SUCLA2: variants seen among roughly 807,000 people sequenced by gnomAD.
SUCLA2 encodes succinate--CoA ligase [ADP-forming] subunit beta, mitochondrial.
Under a neutral mutation model 54.8 loss-of-function variants are expected in SUCLA2, and 30 were observed. The ratio of observed to expected loss-of-function variants is 0.55; its 90% CI spans 0.41 to 0.74. SUCLA2 has a LOEUF of 0.74. Ranked by LOEUF, SUCLA2 falls within the 30% of genes least tolerant of loss-of-function variation. The pLI, the probability that SUCLA2 is intolerant of heterozygous loss-of-function variation, is 0.00. For synonymous variants in SUCLA2, 172 were observed against 188.9 expected, an observed-to-expected ratio of 0.91 and a Z score of 0.74; for missense variants, 476 against 562.9, an observed-to-expected ratio of 0.85 and a Z score of 1.56.
At chr13:47,946,259 A>G (rs1949730605) in intron 10 of SUCLA2, among the ~76,000 whole-genome samples, 1 of 152,260 alleles carries the variant, frequency 6.6e-6, no homozygotes, top group Non-Finnish European at 1.5e-5. Flanking sequence ...ATGTACAGGA[A>G]GAAGCACAGT....
At chr13:47,973,433 T>C (rs1159226160) in intron 4 of SUCLA2, 41 bp from the exon 5 acceptor site, 14 of 1,607,668 alleles carry the variant, frequency 8.7e-6, no homozygotes, top group East Asian at 4.5e-5. Context: ...AGATTTATTT[T>C]AGACTCATCA....
intron 4 of SUCLA2, 118 bp from the exon 5 acceptor site, chr13:47,973,510 T>A: frequency 8.3e-7 from 1 of 1,206,912 alleles, no homozygotes; most frequent in Non-Finnish European, 1.2e-6. Flanking sequence ...TACCCACATT[T>A]TAAAATTTTC....
Position 47,943,270 on chromosome 13 carries a change from A to G in SUCLA2, c.*101T>C. The stretch of plus-strand genomic sequence containing the variant: ...TTTGTGTGCCTAGATGGCAATTACA[A>G]TCTCCACACACTAAAAAGAAAAAGA... On this transcript the variant is annotated 3_prime_UTR_variant, in exon 11 of 11. Transcript: ENST00000646932. The G allele has an allele frequency of 2.5e-6, 3 of 1,203,582 alleles. No homozygotes were observed. The Admixed American group carries it at 5.1e-5, about 20-fold the overall frequency. The allele number at this position is 1,203,582 out of a possible 1,614,324, so 74.6% of individuals were successfully genotyped here.
At chr13:47,974,900 GAAA>G (rs1303213246) in intron 4 of SUCLA2, among the ~76,000 whole-genome samples, 1 of 151,952 alleles carries the variant, frequency 6.6e-6, no homozygotes, top group Non-Finnish European at 1.5e-5. Flanking sequence ...TGTTACGTAT[GAAA>G]AAAATGATAC....
intron 1 of SUCLA2, 84 bp from the exon 2 acceptor site, chr13:47,997,107 A>C (rs1950197863): frequency 1.4e-6 from 2 of 1,405,676 alleles, no homozygotes; most frequent in African/African-American, 2.8e-5. Context: ...TAACTATAAC[A>C]AAACTGTTAC....
chr13:47,949,443 A>G, intron 9 of SUCLA2, 40 bp downstream of exon 9: 1 of 1,611,514 alleles, frequency 6.2e-7, no homozygotes, highest in Non-Finnish European at 8.5e-7. Flanking sequence ...GTGAACTTTT[A>G]AAGAATTAGG....
chr13:47,976,048 A>C (rs1206493220), intron 4 of SUCLA2, among the ~76,000 whole-genome samples: 1 of 152,144 alleles, frequency 6.6e-6, no homozygotes, highest in African/African-American at 2.4e-5. Flanking sequence ...GGAGTTCGAG[A>C]CCAGCCTGGG....
chr13:47,995,633 A>C (rs1210792739), intron 2 of SUCLA2, among the ~76,000 whole-genome samples: 2 of 152,214 alleles, frequency 1.3e-5, no homozygotes, highest in African/African-American at 4.8e-5. Context: ...CTTTCTTAAA[A>C]AATATAAAAG....
At chr13:47,950,548 G>A (rs1466214537) in intron 8 of SUCLA2, among the ~76,000 whole-genome samples, 1 of 152,018 alleles carries the variant, frequency 6.6e-6, no homozygotes, top group African/African-American at 2.4e-5. Context: ...GCCCTCTCTT[G>A]GGTACATTTC....
chr13:47,973,472 A>G, intron 4 of SUCLA2, 80 bp from the exon 5 acceptor site: 3 of 1,501,750 alleles, frequency 2.0e-6, no homozygotes, highest in Non-Finnish European at 2.8e-6. Context: ...CCCGTGCATA[A>G]TATCAGATGT....
At chr13:47,994,148 T>C (rs1455654972) in intron 2 of SUCLA2, among the ~76,000 whole-genome samples, 1 of 151,608 alleles carries the variant, frequency 6.6e-6, no homozygotes, top group Non-Finnish European at 1.5e-5. Flanking sequence ...CCTGAAGTAA[T>C]GAAAACTCAG....
intron 4 of SUCLA2, among the ~76,000 whole-genome samples, chr13:47,974,151 T>C (rs1433457735): frequency 1.3e-5 from 2 of 152,044 alleles, no homozygotes; most frequent in Non-Finnish European, 2.9e-5. Flanking sequence ...AAATATAACC[T>C]ATGCATTTTT....
At chr13:47,960,926 T>C (rs1008222988) in intron 6 of SUCLA2, among the ~76,000 whole-genome samples, 2 of 152,168 alleles carry the variant, frequency 1.3e-5, no homozygotes, top group African/African-American at 4.8e-5. Flanking sequence ...CATGTAAGAC[T>C]GTAAAGGCCG....
At chr13:47,953,232 C>T (rs1285881580) in intron 8 of SUCLA2, among the ~76,000 whole-genome samples, 1 of 152,120 alleles carries the variant, frequency 6.6e-6, no homozygotes, top group African/African-American at 2.4e-5. Flanking sequence ...TCCATTCTTG[C>T]ACCTGGGCCC....
chr13:47,965,261 T>G (rs1380461945), intron 6 of SUCLA2, among the ~76,000 whole-genome samples: 3 of 151,712 alleles, frequency 2.0e-5, no homozygotes, highest in Non-Finnish European at 2.9e-5. Flanking sequence ...TATAATATTT[T>G]CCCACAAATT....
intron 6 of SUCLA2, among the ~76,000 whole-genome samples, chr13:47,960,741 T>A (rs1387718962): frequency 6.6e-6 from 1 of 152,120 alleles, no homozygotes; most frequent in African/African-American, 2.4e-5. Context: ...TGACTTTTGA[T>A]CCCAAGAAGT....
At chr13:47,952,339 C>A (rs940338972) in intron 8 of SUCLA2, among the ~76,000 whole-genome samples, 1 of 152,114 alleles carries the variant, frequency 6.6e-6, no homozygotes, top group Non-Finnish European at 1.5e-5. Context: ...AGGTTCCATT[C>A]TTGGTTCCTC....
intron 4 of SUCLA2, among the ~76,000 whole-genome samples, chr13:47,987,241 C>T (rs1950111143): frequency 6.6e-6 from 1 of 152,130 alleles, no homozygotes; most frequent in South Asian, 2.1e-4. Context: ...CAGTATCCTA[C>T]CTTTACTACA....
At chr13:47,944,262 C>T (rs2137680966) in intron 10 of SUCLA2, among the ~76,000 whole-genome samples, 1 of 152,192 alleles carries the variant, frequency 6.6e-6, no homozygotes, top group Middle Eastern at 3.4e-3. Context: ...TTGAAGAAAA[C>T]AGCTTAGCAT....
Sources: allele counts gnomAD v4.1 joint callset (sites outside exome capture counted in the v4.1 genomes callset), GRCh38; gene constraint gnomAD v4.1.1; transcripts MANE v1.5; gene names NCBI Gene and HGNC (gene_info 2026-07-23, HGNC 2026-07-21).